Variants in TDP1 observed in about 807,000 individuals in gnomAD.
TDP1 encodes the protein tyr-DNA phosphodiesterase 1.
A neutral mutation model predicts 81.5 loss-of-function variants in TDP1; 64 were observed. That is an observed-to-expected ratio of 0.79 (90% CI 0.64 to 0.97). TDP1 has a LOEUF of 0.97. TDP1 is among the 50% of genes least tolerant of loss of function. The probability of loss-of-function intolerance (pLI) is 0.00; values close to 1 mark genes in which losing one functional copy is unlikely to be tolerated. For missense variants in TDP1, 723 were observed against 743.8 expected (o/e 0.97, Z 0.33); for synonymous variants, 256 against 264.3 (o/e 0.97, Z 0.30).
At chr14:89,956,994 C>G (rs1181772879) in intron 2 of TDP1, 194 bp downstream of exon 2, 5 of 152,236 alleles carry the variant, frequency 3.3e-5, no homozygotes, top group Non-Finnish European at 7.3e-5. Context: ...CAAGTCTTCT[C>G]CCCTCACCCG....
chr14:89,981,539 G>GT, intron 8 of TDP1: 1 of 451,944 alleles, frequency 2.2e-6, no homozygotes, highest in East Asian at 7.0e-5. Context: ...AAACTCGGAC[G>GT]TTTGTCTAGC....
chr14:89,961,977 T>C (rs1468924155), intron 2 of TDP1, among the ~76,000 whole-genome samples: 1 of 152,234 alleles, frequency 6.6e-6, no homozygotes, highest in Non-Finnish European at 1.5e-5. Flanking sequence ...GGAACTGTTC[T>C]TTAGCTGTCT....
rs1033985846 is a variant in TDP1 at position 90,041,484 on chromosome 14, G to T, written c.1754-1586G>T. ...CCTATCCTGCTGGGTGCTGCTGTTC[G>T]TATGATGGCTCTGAACAAACCGTGA... is the stretch of plus-strand genomic sequence containing the variant. On this transcript the variant is annotated intron_variant, in intron 16 of 16. Transcript: ENST00000335725. 3.9e-5 allele frequency among the ~76,000 whole-genome samples: 6 copies of T among 152,148 alleles called. No individual in the cohort carries two copies. The South Asian group carries it at 1.0e-3, about 26-fold the overall frequency.
At chr14:90,040,002 A>G (rs1888208500) in intron 16 of TDP1, among the ~76,000 whole-genome samples, 1 of 152,080 alleles carries the variant, frequency 6.6e-6, no homozygotes, top group Non-Finnish European at 1.5e-5. Flanking sequence ...GTGGAGAGCT[A>G]AGTTCTAGAG....
rs926879987 is a variant in TDP1, at chr14:89,997,286, T to C, written c.1541+3803T>C. Among the ~76,000 whole-genome samples, 17 of 152,256 alleles carry C rather than the reference T, an allele frequency of 1.1e-4. 1 individual carries two copies. In the South Asian group the frequency reaches 2.1e-3, roughly 19 times the overall value. On this transcript the variant is annotated intron_variant, in intron 14 of 16. Coordinates refer to ENST00000335725, the MANE Select transcript of TDP1 (RefSeq NM_018319.4). The stretch of plus-strand genomic sequence containing the variant: ...CTGGTGACTGGCCAGGTGCCTGACA[T>C]GTGGAGGCTGATGAAGCCTAGGATT...
Position 89,967,424 on chromosome 14 carries a change from T to C in TDP1, c.659+2T>C, listed in dbSNP as rs746465866. 8 of 1,613,814 alleles carry C rather than the reference T, an allele frequency of 5.0e-6. No individual in the cohort carries two copies. The highest frequency in any genetic ancestry group is 6.8e-6 in the Non-Finnish European group (8 of 1,179,726). ...AAAACAGTATCCACCAGAGTTCAGG[T>C]GAGTTCCTCAGGGTGACAGACAACA... On this transcript the variant is annotated splice_donor_variant, in intron 5 of 16. Transcript: ENST00000335725. LOFTEE classifies it high-confidence loss of function.
chr14:89,980,753 T>C, intron 8 of TDP1, 121 bp downstream of exon 8: 1 of 828,510 alleles, frequency 1.2e-6, no homozygotes, highest in South Asian at 1.5e-5. Flanking sequence ...ACACATGGCC[T>C]AGAAAAAGAG....
intron 16 of TDP1, 97 bp from the exon 17 acceptor site, chr14:90,042,973 T>A (rs1322011107): frequency 2.0e-5 from 32 of 1,598,340 alleles, no homozygotes; most frequent in South Asian, 1.8e-4. Flanking sequence ...TACCACAGTT[T>A]AGAGAGTCAA....
At chr14:89,984,952 T>C in intron 9 of TDP1, 180 bp from the exon 10 acceptor site, 7 of 970,206 alleles carry the variant, frequency 7.2e-6, no homozygotes, top group Non-Finnish European at 8.6e-6. Context: ...CTTTACATCT[T>C]GTAGGCATTC....
At chr14:89,978,233 G>T (rs1894575201) in intron 7 of TDP1, among the ~76,000 whole-genome samples, 1 of 152,236 alleles carries the variant, frequency 6.6e-6, no homozygotes, top group African/African-American at 2.4e-5. Flanking sequence ...TGAAAGGAGT[G>T]CCCTGGCATC....
intron 13 of TDP1, among the ~76,000 whole-genome samples, chr14:89,992,760 T>G (rs1330088051): frequency 1.3e-5 from 2 of 152,152 alleles, no homozygotes; most frequent in African/African-American, 4.8e-5. Flanking sequence ...TCACAGACCA[T>G]CTGTTAATCT....
rs974292816 is a variant in TDP1, at chr14:90,030,851, T to C, written c.1645-2255T>C. Among the ~76,000 whole-genome samples the C allele has an allele frequency of 8.5e-5, 13 of 152,130 alleles. No individual in the cohort carries two copies. In the East Asian group the frequency reaches 2.5e-3, roughly 29 times the overall value. Reference sequence around the variant, plus strand: ...CGTGATTTTGGCTCACTGCAACCTCTGCCTTCTGGGTTCAAGCTATTCTCC... The same window carrying C: ...CGTGATTTTGGCTCACTGCAACCTCCGCCTTCTGGGTTCAAGCTATTCTCC... On this transcript the variant is annotated intron_variant, in intron 15 of 16. Coordinates refer to ENST00000335725, the MANE Select transcript of TDP1 (RefSeq NM_018319.4).
chr14:89,971,491 T>G (rs992724017), intron 6 of TDP1, among the ~76,000 whole-genome samples: 8 of 152,230 alleles, frequency 5.3e-5, no homozygotes, highest in African/African-American at 1.9e-4. Context: ...GCCTGAAGTC[T>G]TCTTACTAAT....
At chr14:90,032,909 T>C in intron 15 of TDP1, 197 bp from the exon 16 acceptor site, 1 of 963,720 alleles carries the variant, frequency 1.0e-6, no homozygotes, top group Non-Finnish European at 1.2e-6. Context: ...ATTAAAGCTC[T>C]TATGTTTAGA....
chr14:89,965,937 A>T, intron 3 of TDP1: 1 of 887,318 alleles, frequency 1.1e-6, no homozygotes, highest in Non-Finnish European at 1.3e-6. Context: ...GCATTGTTTT[A>T]TAAAAGAATG....
At chr14:89,997,387 T>C (rs1049696310) in intron 14 of TDP1, among the ~76,000 whole-genome samples, 10 of 152,104 alleles carry the variant, frequency 6.6e-5, no homozygotes, top group Admixed American at 1.3e-4. Flanking sequence ...ATTCCTGAGT[T>C]TGGGGTATGT....
chr14:90,037,361 A>G (rs1373762014), intron 16 of TDP1, among the ~76,000 whole-genome samples: 1 of 152,188 alleles, frequency 6.6e-6, no homozygotes, highest in East Asian at 1.9e-4. Flanking sequence ...AATAAAGCCT[A>G]TCTTATTTGG....
chr14:89,971,107 A>G (rs1367488235), intron 5 of TDP1, 68 bp from the exon 6 acceptor site: 2 of 1,398,398 alleles, frequency 1.4e-6, no homozygotes, highest in Non-Finnish European at 2.0e-6. Flanking sequence ...AGGTGCCGGG[A>G]TTACAGGTGT....
At chr14:89,981,442 T>C in intron 8 of TDP1, 1 of 454,784 alleles carries the variant, frequency 2.2e-6, no homozygotes, top group South Asian at 1.6e-5. Context: ...TATGACTAAC[T>C]TTAATTTTCT....
Sources: gnomAD v4.1 joint callset for allele counts (sites outside exome capture counted in the v4.1 genomes callset) on GRCh38, gnomAD v4.1.1 for gene constraint, MANE v1.5 for transcripts, NCBI Gene and HGNC (gene_info 2026-07-23, HGNC 2026-07-21) for gene names.